The following GSE1 variants were observed in gnomAD, a reference collection of about 807,000 sequenced individuals.
The protein encoded by GSE1 is genetic suppressor element 1.
Under a neutral mutation model 112.6 loss-of-function variants are expected in GSE1, and 32 were observed. The observed-to-expected ratio is 0.28, with a 90% CI of 0.21 to 0.38. GSE1 has a LOEUF of 0.38. GSE1 is among the 10% of genes least tolerant of loss of function. The pLI is 1.00. For synonymous variants in GSE1, 1,115 were observed against 735.6 expected (o/e 1.52, Z -8.35); for missense variants, 2,348 against 1,699.2 (o/e 1.38, Z -6.71).
chr16:85,306,813 CT>C (rs2045691743), intron 1 of GSE1, among the ~76,000 whole-genome samples: 1 of 152,208 alleles, frequency 6.6e-6, no homozygotes, highest in East Asian at 1.9e-4. Context: ...GACAGAGCGA[CT>C]TTTAGGCTGA....
intron 2 of GSE1, among the ~76,000 whole-genome samples, chr16:85,481,703 C>T (rs1319123906): frequency 2.0e-5 from 3 of 152,168 alleles, no homozygotes; most frequent in Admixed American, 6.5e-5. Context: ...CCTTGGGTGT[C>T]GCTAATTCTG....
chr16:85,319,525 G>T (rs552912626), intron 1 of GSE1, among the ~76,000 whole-genome samples: 2 of 152,330 alleles, frequency 1.3e-5, no homozygotes, highest in East Asian at 3.9e-4. Flanking sequence ...GTGTGAAGGG[G>T]TCCCTGTGCT....
intron 2 of GSE1, among the ~76,000 whole-genome samples, chr16:85,378,228 C>T (rs1567721882): frequency 6.6e-6 from 1 of 152,188 alleles, no homozygotes; most frequent in Non-Finnish European, 1.5e-5. Context: ...AGCTTCTAGA[C>T]TCCCCTCTGG....
At chr16:85,622,648 C>T (rs1248817555) in intron 1 of GSE1, among the ~76,000 whole-genome samples, 1 of 152,150 alleles carries the variant, frequency 6.6e-6, no homozygotes, top group Non-Finnish European at 1.5e-5. Flanking sequence ...GACCTTTTTG[C>T]AAAGGCGGAT....
At chr16:85,526,162 C>T (rs79449912) in intron 2 of GSE1, among the ~76,000 whole-genome samples, 8 of 152,252 alleles carry the variant, frequency 5.3e-5, no homozygotes, top group Non-Finnish European at 1.2e-4. Context: ...TCTGCACCCC[C>T]ACCCTGTGCT....
Position 85,657,394 on chromosome 16 carries a change from T to G in GSE1, c.1430T>G (p.Leu477Arg). The G allele has an allele frequency of 6.2e-7, 1 of 1,612,774 alleles. No individual in the cohort carries two copies. Among genetic ancestry groups the G allele is most frequent in the Non-Finnish European group, 8.5e-7 (1 of 1,179,872 alleles). The stretch of plus-strand genomic sequence containing the variant: ...ATCTCCAACCATGGCATCTTCTCTC[T>G]GCCTAGCAGCAGTGCTGCCACAGCC... ...SLISNHGIFS[L>R]PSSSAATALL... The change falls in exon 8 of 16, where the codon CTG becomes CGG. Residue 477 changes from leucine (L) to arginine (R), a missense_variant. Leu to Arg is a moderately radical substitution (Grantham distance 102, BLOSUM62 -2). Coordinates refer to ENST00000253458, the MANE Select transcript of GSE1 (RefSeq NM_014615.5).
chr16:85,414,209 C>A (rs2048651824), intron 2 of GSE1, among the ~76,000 whole-genome samples: 1 of 152,164 alleles, frequency 6.6e-6, no homozygotes, highest in South Asian at 2.1e-4. Flanking sequence ...AGACACAGAG[C>A]AGGGAGGGGG....
In GSE1 at chr16:85,240,427, G is replaced by A. The variant is rs74868767; in HGVS notation, c.2283+68620G>A. ...GGAGGGGGGTGGAGTGTCAGCATCCGGCACTTCCGACCCCTGCATTCCTCA... is the reference window on the plus strand; with the variant it reads ...GGAGGGGGGTGGAGTGTCAGCATCCAGCACTTCCGACCCCTGCATTCCTCA... On this transcript the variant is annotated intron_variant, in intron 1 of 2. Transcript: ENST00000637419. Among the ~76,000 whole-genome samples, 65 of 152,314 alleles carry A rather than the reference G, an allele frequency of 4.3e-4. No homozygotes were observed. The East Asian group carries it at 0.011, about 26-fold the overall frequency.
At position 85,661,510 on chromosome 16, in the gene GSE1, C is replaced by T. The variant is rs769707874; in HGVS notation, c.2005C>T (p.Pro669Ser). ...GAGCCTGGAGCACCAGCCCTTCCTGCCCGGGCCCGGGCCCTTCCTGGCTGA... is the reference window on the plus strand; with the variant it reads ...GAGCCTGGAGCACCAGCCCTTCCTGTCCGGGCCCGGGCCCTTCCTGGCTGA... ...GGSLEHQPFL[P>S]GPGPFLAELE... The change falls in exon 9 of 16, where the codon CCC (proline) becomes TCC (serine). Residue 669 changes from proline to serine, a missense_variant. Pro to Ser is a moderately conservative substitution (Grantham distance 74). Transcript: ENST00000253458. 3.1e-6 allele frequency: 5 copies of T among 1,611,750 alleles called. No individual in the cohort carries two copies. Among genetic ancestry groups the T allele is most frequent in the South Asian group, 1.1e-5 (1 of 91,056 alleles).
At chr16:85,555,763 C>T, upstream of GSE1, 1 of 976,504 alleles carries the variant, frequency 1.0e-6, no homozygotes, top group South Asian at 4.8e-5. Flanking sequence ...ATTCAAATGG[C>T]TGAATGGAGG....
chr16:85,454,536 C>T (rs747930582), intron 2 of GSE1, among the ~76,000 whole-genome samples: 5 of 152,158 alleles, frequency 3.3e-5, no homozygotes, highest in African/African-American at 1.2e-4. Flanking sequence ...ATGAGTTTCC[C>T]GGGGCTGCCA....
At chr16:85,504,999 TCACATGTGCACA>T (rs1370975749) in intron 2 of GSE1, among the ~76,000 whole-genome samples, 6 of 144,266 alleles carry the variant, frequency 4.2e-5, no homozygotes, top group Admixed American at 7.0e-5. Context: ...CTCGTCAGCA[TCACATGTGCACA>T]CACATGTGCA....
intron 1 of GSE1, among the ~76,000 whole-genome samples, chr16:85,221,023 C>T (rs1013464624): frequency 2.7e-5 from 4 of 147,284 alleles, no homozygotes; most frequent in East Asian, 4.3e-4. Context: ...TGTGGGGATT[C>T]AGCGTCCTCC....
intron 1 of GSE1, among the ~76,000 whole-genome samples, chr16:85,292,335 T>TG (rs1011797570): frequency 2.0e-5 from 3 of 150,292 alleles, no homozygotes; most frequent in Admixed American, 1.3e-4. Flanking sequence ...TTTGTTTTTT[T>TG]TTTTTGTTTT....
intron 1 of GSE1, among the ~76,000 whole-genome samples, chr16:85,354,566 C>T (rs1256417102): frequency 6.6e-6 from 1 of 152,250 alleles, no homozygotes; most frequent in Non-Finnish European, 1.5e-5. Context: ...GGCCTCTCAG[C>T]TTCTCTCTCC....
intron 2 of GSE1, among the ~76,000 whole-genome samples, chr16:85,413,365 G>A (rs2048628350): frequency 6.6e-6 from 1 of 151,930 alleles, no homozygotes; most frequent in Non-Finnish European, 1.5e-5. Context: ...CCAGGAGGGA[G>A]GAGCTGCCTG....
intron 1 of GSE1, among the ~76,000 whole-genome samples, chr16:85,237,014 G>T (rs1904733828): frequency 6.6e-6 from 1 of 152,212 alleles, no homozygotes; most frequent in Admixed American, 6.5e-5. Context: ...GTCTCACAGA[G>T]GATGAAAGAG....
intron 1 of GSE1, chr16:85,285,578 A>T (rs1225193774): frequency 6.6e-6 from 1 of 150,580 alleles, no homozygotes; most frequent in Non-Finnish European, 1.5e-5. Context: ...GCTACGTGGG[A>T]GGCTGAGGCA....
intron 1 of GSE1, 83 bp downstream of exon 1, chr16:85,613,481 C>G: frequency 7.9e-7 from 1 of 1,267,482 alleles, no homozygotes; most frequent in Non-Finnish European, 1.1e-6. Context: ...GCGGGTTTCG[C>G]GGGGGCGGCC....
Sources: allele counts gnomAD v4.1 joint callset (sites outside exome capture counted in the v4.1 genomes callset), GRCh38; gene constraint gnomAD v4.1.1; transcripts MANE v1.5; gene names NCBI Gene and HGNC (gene_info 2026-07-23, HGNC 2026-07-21).